The following PREX1 variants were observed in gnomAD, a reference collection of about 807,000 sequenced individuals.
PREX1 encodes phosphatidylinositol 3,4,5-trisphosphate-dependent Rac exchanger 1 protein.
Under a neutral mutation model 198.3 loss-of-function variants are expected in PREX1, and 41 were observed. The observed-to-expected ratio is 0.21, with a 90% confidence interval of 0.16 to 0.27. The LOEUF (loss-of-function observed/expected upper bound fraction) is 0.27. Ranked by LOEUF, PREX1 falls within the 10% of genes least tolerant of loss-of-function variation. The probability of loss-of-function intolerance (pLI) is 1.00; values close to 1 mark genes in which losing one functional copy is unlikely to be tolerated. For synonymous variants in PREX1, 843 were observed against 887.2 expected, an observed-to-expected ratio of 0.95 and a Z score of 0.89; for missense variants, 1,620 against 2,200.7, an observed-to-expected ratio of 0.74 and a Z score of 5.28.
At chr20:48,731,700 G>A (rs2090035367) in intron 4 of PREX1, among the ~76,000 whole-genome samples, 1 of 152,216 alleles carries the variant, frequency 6.6e-6, no homozygotes, top group Non-Finnish European at 1.5e-5. Context: ...CAGCTCTTCT[G>A]CACGTGGCCA....
intron 25 of PREX1, among the ~76,000 whole-genome samples, chr20:48,648,099 G>A (rs1208897046): frequency 6.6e-6 from 1 of 151,972 alleles, no homozygotes; most frequent in African/African-American, 2.4e-5. Flanking sequence ...TAGAGATAGG[G>A]TTTCACTACG....
At chr20:48,848,877 C>G in the PREX1 span, among the ~76,000 whole-genome samples, 1 of 152,188 alleles carries the variant, frequency 6.6e-6, no homozygotes, top group African/African-American at 2.4e-5. Context: ...GCTGGGACTA[C>G]AGGCACACAC....
chr20:48,877,978 G>A, the PREX1 span, among the ~76,000 whole-genome samples: 3 of 152,126 alleles, frequency 2.0e-5, no homozygotes, highest in Non-Finnish European at 4.4e-5. Context: ...GCATGGTGGT[G>A]TATGCCTATA....
chr20:48,624,775 A>G lies in PREX1; in HGVS notation c.*1110T>C, dbSNP rs1415971551. 6.6e-6 allele frequency: 1 copy of G among 152,206 alleles called. No individual in the cohort carries two copies. The highest frequency in any genetic ancestry group is 1.5e-5 in the Non-Finnish European group (1 of 68,042). 9.4% of individuals were successfully genotyped at this position (152,206 alleles called of 1,614,324 possible). On this transcript the variant is annotated 3_prime_UTR_variant, in exon 40 of 40. Transcript: ENST00000371941. ...TACCATCAAGAAAATAAATCACAGAAGCCACCGCCCGGTGTTTCCCAGTGA... is the reference window on the plus strand; with the variant it reads ...TACCATCAAGAAAATAAATCACAGAGGCCACCGCCCGGTGTTTCCCAGTGA...
intron 4 of PREX1, among the ~76,000 whole-genome samples, chr20:48,728,856 AAC>A (rs1406202137): frequency 6.6e-6 from 1 of 152,204 alleles, no homozygotes; most frequent in African/African-American, 2.4e-5. Context: ...AAAACAGGCA[AAC>A]ACACACAGAG....
intron 1 of PREX1, among the ~76,000 whole-genome samples, chr20:48,800,501 C>T (rs1385910031): frequency 6.6e-6 from 1 of 152,216 alleles, no homozygotes; most frequent in Non-Finnish European, 1.5e-5. Context: ...AGGATGTGTG[C>T]CCGGCATCAT....
At chr20:48,631,253 G>A (rs2089312303) in intron 35 of PREX1, among the ~76,000 whole-genome samples, 1 of 152,218 alleles carries the variant, frequency 6.6e-6, no homozygotes, top group Non-Finnish European at 1.5e-5. Flanking sequence ...ACTCAGCTCT[G>A]CCATTGCAGC....
Position 48,629,597 on chromosome 20 carries a change from C to G in PREX1, c.4618G>C (p.Asp1540His). 6.2e-7 allele frequency: 1 copy of G among 1,614,090 alleles called. No individual in the cohort carries two copies. Among genetic ancestry groups the G allele is most frequent in the Non-Finnish European group, 8.5e-7 (1 of 1,179,980 alleles). ...DQLIRPINAL[D>H]ELCRLMKSFV... Reference sequence around the variant, plus strand: ...GACTTCATGAGGCGGCAGAGCTCATCCAGGGCATTGATGGGGCGGATCAGC... The same window carrying G: ...GACTTCATGAGGCGGCAGAGCTCATGCAGGGCATTGATGGGGCGGATCAGC... Residue 1540 changes from aspartate (D) to histidine (H), a missense_variant, in exon 37 of 40, where the codon GAT becomes CAT. Physicochemically the swap from Asp to His is moderately conservative, Grantham distance 81. Around this residue, in one of 7 missense-constraint regions of PREX1, gnomAD observed 476 missense variants for 603.4 expected, o/e 0.79. Transcript: ENST00000371941.
At chr20:48,750,000 C>CA (rs2090127163) in intron 1 of PREX1, among the ~76,000 whole-genome samples, 1 of 152,090 alleles carries the variant, frequency 6.6e-6, no homozygotes, top group South Asian at 2.1e-4. Context: ...TCAGTGTCTC[C>CA]ACCTGGATGT....
intron 17 of PREX1, 53 bp from the exon 18 acceptor site, chr20:48,657,241 C>T: frequency 6.3e-7 from 1 of 1,585,160 alleles, no homozygotes; most frequent in Non-Finnish European, 8.6e-7. Flanking sequence ...AAGCTCCTTC[C>T]CTCCTCACCA....
intron 15 of PREX1, among the ~76,000 whole-genome samples, chr20:48,663,586 C>T (rs929021946): frequency 2.6e-5 from 4 of 152,244 alleles, no homozygotes; most frequent in African/African-American, 4.8e-5. Context: ...TGGCACACAA[C>T]CATGCCCATT....
intron 6 of PREX1, 34 bp downstream of exon 6, chr20:48,708,224 TGC>T (rs749397105): frequency 3.1e-6 from 5 of 1,605,934 alleles, no homozygotes; most frequent in Non-Finnish European, 3.4e-6. Flanking sequence ...CCTGGCCCCC[TGC>T]GGCCCAGGAA....
chr20:48,630,292 G>C (rs897991525), intron 36 of PREX1, among the ~76,000 whole-genome samples: 1 of 152,244 alleles, frequency 6.6e-6, no homozygotes, highest in Non-Finnish European at 1.5e-5. Flanking sequence ...GAGCAACGGG[G>C]ACATGTGGCA....
intron 1 of PREX1, among the ~76,000 whole-genome samples, chr20:48,826,655 G>A (rs2090510295): frequency 6.6e-6 from 1 of 152,198 alleles, no homozygotes; most frequent in South Asian, 2.1e-4. Flanking sequence ...AGGAGTCCAA[G>A]ACCAGCATGG....
At chr20:48,664,012 T>C (rs1252234316) in intron 15 of PREX1, among the ~76,000 whole-genome samples, 1 of 152,148 alleles carries the variant, frequency 6.6e-6, no homozygotes, top group African/African-American at 2.4e-5. Context: ...CCACACGTGA[T>C]GTCAGAATGA....
At chr20:48,757,178 A>G (rs995038052) in intron 1 of PREX1, among the ~76,000 whole-genome samples, 3 of 152,118 alleles carry the variant, frequency 2.0e-5, no homozygotes, top group African/African-American at 7.2e-5. Flanking sequence ...CGACTGCTCC[A>G]TTTGAAACAG....
intron 7 of PREX1, 75 bp from the exon 8 acceptor site, chr20:48,692,865 G>T: frequency 2.4e-6 from 3 of 1,255,516 alleles, no homozygotes; most frequent in Non-Finnish European, 2.3e-6. Flanking sequence ...GCGCAAAGGG[G>T]AACACAACAC....
chr20:48,810,426 A>AT (rs1200079703), intron 1 of PREX1, among the ~76,000 whole-genome samples: 2 of 151,540 alleles, frequency 1.3e-5, no homozygotes, highest in East Asian at 1.9e-4. Context: ...TCTAAAAAAA[A>AT]TTTTTTAATT....
chr20:48,786,906 G>A (rs1409941068), intron 1 of PREX1, among the ~76,000 whole-genome samples: 1 of 151,934 alleles, frequency 6.6e-6, no homozygotes, highest in Non-Finnish European at 1.5e-5. Context: ...AGGTGGAGGG[G>A]AGGGAAAGAG....
Sources: gnomAD v4.1 joint callset for allele counts (sites outside exome capture counted in the v4.1 genomes callset) on GRCh38, gnomAD v4.1.1 for gene constraint, gnomAD v4.1.1 regional missense constraint, MANE v1.5 for transcripts, NCBI Gene and HGNC (gene_info 2026-07-23, HGNC 2026-07-21) for gene names.